The following ARID1B variants were observed in gnomAD, a reference collection of about 807,000 sequenced individuals.
ARID1B encodes AT-rich interactive domain-containing protein 1B.
Under a neutral mutation model 212.3 loss-of-function variants are expected in ARID1B, and 30 were observed. That is an observed-to-expected ratio of 0.14 (90% CI 0.11 to 0.19). The LOEUF is 0.19. Ranked by LOEUF, ARID1B falls within the 10% of genes least tolerant of loss-of-function variation. The pLI, the probability that ARID1B is intolerant of heterozygous loss-of-function variation, is 1.00. For missense variants in ARID1B, 2,891 were observed against 3,204.0 expected, an observed-to-expected ratio of 0.90 and a Z score of 2.36; for synonymous variants, 1,402 against 1,301.7, an observed-to-expected ratio of 1.08 and a Z score of -1.66.
At chr6:157,147,866 C>T (rs1442727412) in intron 7 of ARID1B, among the ~76,000 whole-genome samples, 1 of 80,594 alleles carries the variant, frequency 1.2e-5, no homozygotes, top group Admixed American at 1.2e-4. Context: ...CCCTCACCCC[C>T]TTCTCCGACC....
At position 156,779,090 on chromosome 6, in the gene ARID1B, C is replaced by T. The variant is rs1401866270; in HGVS notation, c.1410C>T (p.Ala470=). The change falls in exon 1 of 20, where the codon GCC becomes GCT. Residue 470 remains alanine (A), a synonymous_variant. Transcript: ENST00000636930. The part of the protein sequence containing the change: ...GMMMGPGGGG[A]ASLSKAAAGS... ...TGATGGGCCCCGGGGGCGGCGGGGC[C>T]GCGAGCCTCAGCAAGGCGGCCGCCG... 1.2e-5 allele frequency: 15 copies of T among 1,224,924 alleles called. No individual in the cohort carries two copies. The South Asian group carries it at 3.4e-4, about 28-fold the overall frequency. 75.9% of individuals were successfully genotyped at this position (1,224,924 alleles called of 1,614,324 possible). A position where few individuals can be genotyped will look rare whatever the true frequency, so the allele number is the denominator to read the frequency against.
At chr6:156,885,767 G>A (rs1787452526) in intron 2 of ARID1B, among the ~76,000 whole-genome samples, 1 of 152,170 alleles carries the variant, frequency 6.6e-6, no homozygotes, top group Non-Finnish European at 1.5e-5. Context: ...TGGAGTTCCT[G>A]TTTCTTGCCC....
Position 157,184,093 on chromosome 6 carries a change from C to T in ARID1B, c.3715-138C>T, listed in dbSNP as rs936656627. The T allele has an allele frequency of 1.1e-5, 8 of 735,184 alleles. No homozygotes were observed. The African/African-American group carries it at 1.4e-4, about 13-fold the overall frequency. The allele number at this position is 735,184 out of a possible 1,614,324, so 45.5% of individuals were successfully genotyped here. A position where few individuals can be genotyped will look rare whatever the true frequency, so the allele number is the denominator to read the frequency against. On this transcript the variant is annotated intron_variant, in intron 12 of 19. Coordinates refer to ENST00000636930, the MANE Select transcript of ARID1B (RefSeq NM_001374828.1). ...AACTGTAAATGCTGCCTATGCACTGCTGAGTGGGAGTAATGAGCATTAGTT... is the reference window on the plus strand; with the variant it reads ...AACTGTAAATGCTGCCTATGCACTGTTGAGTGGGAGTAATGAGCATTAGTT...
intron 6 of ARID1B, among the ~76,000 whole-genome samples, chr6:157,127,302 C>T (rs114655862): frequency 0.056 from 8,538 of 152,206 alleles, 311 homozygotes; most frequent in Non-Finnish European, 0.063. Flanking sequence ...ATGAGATCCT[C>T]GCCCAGTGCT....
chr6:157,172,631 G>A (rs919111072), intron 9 of ARID1B: 6 of 152,154 alleles, frequency 3.9e-5, no homozygotes, highest in Admixed American at 2.0e-4. Context: ...AACCTGCAGT[G>A]ATGCTAACGA....
intron 4 of ARID1B, among the ~76,000 whole-genome samples, chr6:157,039,882 T>TTC (rs1554287391): frequency 0.033 from 2,226 of 67,150 alleles, 127 homozygotes; most frequent in Non-Finnish European, 0.047. Context: ...CTTTCTTTTC[T>TTC]CTTCCTTCCT....
At position 156,973,323 on chromosome 6, in the gene ARID1B, G is replaced by A. The variant is rs142039254; in HGVS notation, c.2247+37747G>A. 3.0e-3 allele frequency among the ~76,000 whole-genome samples: 454 copies of A among 152,204 alleles called. 4 individuals are homozygous for A. The highest frequency in any genetic ancestry group is 0.01 in the African/African-American group (432 of 41,530). On this transcript the variant is annotated intron_variant, in intron 4 of 19. Transcript: ENST00000636930. The stretch of plus-strand genomic sequence containing the variant: ...GCGAGTTCTTTAGAACTGTGCTGGT[G>A]TACGCATACGTAGTTTATAAGTTCC...
intron 8 of ARID1B, among the ~76,000 whole-genome samples, chr6:157,163,146 C>T (rs946999349): frequency 6.6e-6 from 1 of 152,148 alleles, no homozygotes. Context: ...TCATTTGGAG[C>T]CGTCCAAATG....
intron 2 of ARID1B, among the ~76,000 whole-genome samples, chr6:156,880,011 T>C (rs1210385638): frequency 1.3e-5 from 2 of 152,228 alleles, no homozygotes; most frequent in Non-Finnish European, 2.9e-5. Context: ...CCAAAGGCTG[T>C]TCCAGTAGGG....
intron 8 of ARID1B, among the ~76,000 whole-genome samples, chr6:157,154,580 G>GTTTTTTTTTTTTTTTT (rs1274752634): frequency 7.2e-5 from 8 of 111,566 alleles, no homozygotes; most frequent in African/African-American, 2.9e-4. Flanking sequence ...TTTTTTTTTT[G>GTTTTTTTTTTTTTTTT]TTTTTTTTTT....
At chr6:156,979,564 GTT>G (rs10707720) in intron 4 of ARID1B, among the ~76,000 whole-genome samples, 20 of 147,856 alleles carry the variant, frequency 1.4e-4, no homozygotes, top group African/African-American at 4.7e-4. Flanking sequence ...AGCTGTTGCT[GTT>G]TTTTTTTTTT....
chr6:156,786,844 C>T (rs1204408195), intron 1 of ARID1B, among the ~76,000 whole-genome samples: 1 of 152,146 alleles, frequency 6.6e-6, no homozygotes, highest in Admixed American at 6.5e-5. Context: ...CTTGCTCCCT[C>T]CATACCTGGA....
At position 156,965,163 on chromosome 6, in the gene ARID1B, A is replaced by T. The variant is rs112341613; in HGVS notation, c.2247+29587A>T. 7.5e-3 allele frequency among the ~76,000 whole-genome samples: 1,148 copies of T among 152,362 alleles called. 11 individuals carry two copies. The highest frequency in any genetic ancestry group is 0.013 in the Non-Finnish European group (886 of 68,038). On this transcript the variant is annotated intron_variant, in intron 4 of 19. Coordinates refer to ENST00000636930, the MANE Select transcript of ARID1B (RefSeq NM_001374828.1). Reference sequence around the variant, plus strand: ...CTTTTGCATAGAGCAGCTGGGATCAAGAGTTTCTTATTTTTATTTTTTAAA... The same window carrying T: ...CTTTTGCATAGAGCAGCTGGGATCATGAGTTTCTTATTTTTATTTTTTAAA...
chr6:157,064,519 G>GT (rs11433014), intron 4 of ARID1B, among the ~76,000 whole-genome samples: 72,041 of 150,866 alleles, frequency 0.48, 17,669 homozygotes, highest in African/African-American at 0.59. Context: ...GACTTGATTT[G>GT]TTTAATTTTT....
chr6:156,940,427 A>G (rs1792580861), intron 4 of ARID1B: 1 of 152,252 alleles, frequency 6.6e-6, no homozygotes, highest in Non-Finnish European at 1.5e-5. Flanking sequence ...TTAGACGGAA[A>G]TATTGGGCTT....
At chr6:157,139,067 A>G (rs1789149968) in intron 7 of ARID1B, among the ~76,000 whole-genome samples, 1 of 152,162 alleles carries the variant, frequency 6.6e-6, no homozygotes, top group African/African-American at 2.4e-5. Flanking sequence ...AAAACCTGGG[A>G]ATTAGGGAGA....
At chr6:156,857,832 A>G (rs960929436) in intron 2 of ARID1B, among the ~76,000 whole-genome samples, 1 of 152,236 alleles carries the variant, frequency 6.6e-6, no homozygotes, top group East Asian at 1.9e-4. Flanking sequence ...CACCTAGGCT[A>G]TATAACAGAG....
intron 4 of ARID1B, among the ~76,000 whole-genome samples, chr6:156,996,778 A>T (rs1778614944): frequency 6.6e-6 from 1 of 152,216 alleles, no homozygotes; most frequent in Non-Finnish European, 1.5e-5. Context: ...AAATGTTGGG[A>T]ATTGGAATTG....
At chr6:157,191,263 G>C (rs1351691340) in intron 15 of ARID1B, among the ~76,000 whole-genome samples, 1 of 151,946 alleles carries the variant, frequency 6.6e-6, no homozygotes, top group Non-Finnish European at 1.5e-5. Flanking sequence ...CAGAGTGTAT[G>C]TCAGAGGTGC....
Sources: gnomAD v4.1 joint callset for allele counts (sites outside exome capture counted in the v4.1 genomes callset) on GRCh38, gnomAD v4.1.1 for gene constraint, MANE v1.5 for transcripts, NCBI Gene and HGNC (gene_info 2026-07-23, HGNC 2026-07-21) for gene names.